The following CNKSR2 variants were observed in gnomAD, a reference collection of about 807,000 sequenced individuals.
CNKSR2 encodes CNK homolog protein 2.
CNKSR2 carries 14 observed loss-of-function variants against 84.4 expected under a neutral mutation model. That is an observed-to-expected ratio of 0.17 (90% CI 0.11 to 0.26). The LOEUF is 0.26. Among genes scored for constraint, CNKSR2 ranks in the 10% least tolerant of loss-of-function variants. The pLI is 1.00. For missense variants in CNKSR2, 485 were observed against 771.2 expected, an observed-to-expected ratio of 0.63 and a Z score of 4.40; for synonymous variants, 275 against 277.9, an observed-to-expected ratio of 0.99 and a Z score of 0.10.
chrX:21,410,584 C>T (rs979689711), intron 1 of CNKSR2, among the ~76,000 whole-genome samples: 4 of 111,299 alleles, frequency 3.6e-5, no homozygotes, highest in Admixed American at 9.6e-5. Flanking sequence ...GGCTGTTGTA[C>T]GAATGTAGGA....
chrX:21,470,754 CT>C lies in CNKSR2; in HGVS notation c.520-4del, dbSNP rs759750273. Reference sequence around the variant, plus strand: ...TATTTTGAATCTAATGTATATGGTTCTTTTTTTTCAGGATTGTACTGTATAT... The same window carrying C: ...TATTTTGAATCTAATGTATATGGTTCTTTTTTTCAGGATTGTACTGTATAT... On this transcript the variant is annotated splice_polypyrimidine_tract_variant and intron_variant, in intron 4 of 21. Transcript: ENST00000379510. 48 of 930,093 alleles carry C rather than the reference CT, an allele frequency of 5.2e-5. No individual in the cohort carries two copies. Among genetic ancestry groups the C allele is most frequent in the Middle Eastern group, 3.3e-4 (1 of 3,073 alleles). The allele number at this position is 930,093 out of a possible 1,213,427, so 76.7% of individuals were successfully genotyped here.
chrX:21,496,592 A>G (rs1041838512), intron 6 of CNKSR2, among the ~76,000 whole-genome samples: 6 of 111,627 alleles, frequency 5.4e-5, no homozygotes, highest in African/African-American at 1.6e-4. Context: ...TGATTTCTCA[A>G]TAGTTCCATA....
At chrX:21,416,914 A>G (rs1388953511) in intron 1 of CNKSR2, among the ~76,000 whole-genome samples, 5 of 110,807 alleles carry the variant, frequency 4.5e-5, no homozygotes, top group Non-Finnish European at 1.9e-5. Flanking sequence ...CTTCATTTCA[A>G]TTTCATTTGT....
chrX:21,414,148 T>C (rs893219237), intron 1 of CNKSR2, among the ~76,000 whole-genome samples: 2 of 111,010 alleles, frequency 1.8e-5, no homozygotes, highest in African/African-American at 6.6e-5. Context: ...ACCACTAAAC[T>C]ATTCTCCATA....
intron 17 of CNKSR2, among the ~76,000 whole-genome samples, chrX:21,599,338 TGGTG>T (rs772019245): frequency 2.7e-5 from 2 of 73,644 alleles, no homozygotes; most frequent in Non-Finnish European, 5.2e-5. Flanking sequence ...TTTTTTGTTT[TGGTG>T]TGTGTGTGTG....
chrX:21,399,137 T>G (rs1438416319), intron 1 of CNKSR2, among the ~76,000 whole-genome samples: 1 of 111,249 alleles, frequency 9.0e-6, no homozygotes, highest in African/African-American at 3.3e-5. Context: ...TTAGAAAACT[T>G]GGTTGATTAC....
Position 21,388,831 on chromosome X carries a change from G to C in CNKSR2, c.64+13870G>C, listed in dbSNP as rs1269694524. On this transcript the variant is annotated intron_variant, in intron 1 of 21. Coordinates refer to ENST00000379510, the MANE Select transcript of CNKSR2 (RefSeq NM_014927.5). ...GGTTGCATTTAGTGACTTGTTTCCAGAGAGTAGAGTATGAAAAAGGGGAAA... is the reference window on the plus strand; with the variant it reads ...GGTTGCATTTAGTGACTTGTTTCCACAGAGTAGAGTATGAAAAAGGGGAAA... Among the ~76,000 whole-genome samples the C allele has an allele frequency of 3.6e-5, 4 of 110,832 alleles. No individual in the cohort carries two copies. In the Admixed American group the frequency reaches 3.8e-4, roughly 11 times the overall value.
rs989632627 is a variant in CNKSR2 at position 21,548,682 on chromosome X, G to A, written c.1304-12789G>A. 6.3e-5 allele frequency among the ~76,000 whole-genome samples: 7 copies of A among 111,727 alleles called. No individual in the cohort carries two copies. In the Admixed American group the frequency reaches 6.6e-4, roughly 11 times the overall value. On this transcript the variant is annotated intron_variant, in intron 11 of 21. Transcript: ENST00000379510. ...ATGTGAAAATCCTCAATAAAATACTGGCAAACCAAATCCAGCAGCACATCT... is the reference window on the plus strand; with the variant it reads ...ATGTGAAAATCCTCAATAAAATACTAGCAAACCAAATCCAGCAGCACATCT...
intron 1 of CNKSR2, among the ~76,000 whole-genome samples, chrX:21,410,641 C>A (rs1235932141): frequency 1.8e-5 from 2 of 111,528 alleles, no homozygotes; most frequent in Non-Finnish European, 3.8e-5. Context: ...AAGATACTAA[C>A]ATTCATAGCT....
intron 20 of CNKSR2, among the ~76,000 whole-genome samples, chrX:21,623,405 G>T (rs979234129): frequency 9.0e-6 from 1 of 111,527 alleles, no homozygotes; most frequent in African/African-American, 3.3e-5. Flanking sequence ...AATCTATCTA[G>T]TGCAAGATAC....
chrX:21,385,402 A>G (rs1273657838), intron 1 of CNKSR2, among the ~76,000 whole-genome samples: 2 of 112,104 alleles, frequency 1.8e-5, no homozygotes, highest in Non-Finnish European at 3.8e-5. Context: ...ACTTTTTTAA[A>G]GGAAGAGATT....
At chrX:21,393,078 A>G (rs1412754440) in intron 1 of CNKSR2, among the ~76,000 whole-genome samples, 1 of 112,319 alleles carries the variant, frequency 8.9e-6, no homozygotes, top group Non-Finnish European at 1.9e-5. Flanking sequence ...AAAAATTGAA[A>G]TGTTATAATT....
intron 1 of CNKSR2, among the ~76,000 whole-genome samples, chrX:21,375,420 G>C (rs1038542127): frequency 5.4e-5 from 6 of 112,002 alleles, no homozygotes; most frequent in Non-Finnish European, 1.1e-4. Context: ...CTTCCCCAGC[G>C]CCAACTCTCC....
chrX:21,642,386 G>T (rs2147338796), intron 20 of CNKSR2: 1 of 752,895 alleles, frequency 1.3e-6, no homozygotes, highest in South Asian at 6.8e-5. Flanking sequence ...AAAATATTTT[G>T]AATCTATAGG....
intron 1 of CNKSR2, chrX:21,424,192 A>T (rs1481038075): frequency 3.6e-5 from 4 of 111,366 alleles, no homozygotes; most frequent in African/African-American, 1.3e-4. Flanking sequence ...CATCCTCACC[A>T]TTATCCTGTA....
At chrX:21,452,245 C>T (rs2090941874) in intron 4 of CNKSR2, among the ~76,000 whole-genome samples, 1 of 111,107 alleles carries the variant, frequency 9.0e-6, no homozygotes. Flanking sequence ...GGTGCGCCAC[C>T]ATGCTCGGCT....
intron 11 of CNKSR2, among the ~76,000 whole-genome samples, chrX:21,549,352 T>G (rs2092061952): frequency 9.0e-6 from 1 of 111,610 alleles, no homozygotes; most frequent in Admixed American, 9.5e-5. Context: ...GAATACAACT[T>G]ACAAGGGATG....
chrX:21,586,877 GA>G (rs2092391902), intron 13 of CNKSR2, among the ~76,000 whole-genome samples: 1 of 111,726 alleles, frequency 9.0e-6, no homozygotes, highest in Non-Finnish European at 1.9e-5. Flanking sequence ...AATATGAAAG[GA>G]TACAGAACAT....
chrX:21,634,539 A>C (rs2092661585), intron 20 of CNKSR2, among the ~76,000 whole-genome samples: 1 of 111,542 alleles, frequency 9.0e-6, no homozygotes, highest in African/African-American at 3.3e-5. Flanking sequence ...GAGGAAAATC[A>C]ATATTACCAT....
Sources: gnomAD v4.1 joint callset for allele counts (sites outside exome capture counted in the v4.1 genomes callset) on GRCh38, gnomAD v4.1.1 for gene constraint, MANE v1.5 for transcripts, NCBI Gene and HGNC (gene_info 2026-07-23, HGNC 2026-07-21) for gene names.